The following JAK1 variants were observed in gnomAD, a reference collection of about 807,000 sequenced individuals.
The protein encoded by JAK1 is tyrosine-protein kinase JAK1.
In JAK1, 16 loss-of-function variants were observed where a neutral mutation model predicts 136.6. The ratio of observed to expected loss-of-function variants is 0.12; its 90% CI spans 0.08 to 0.18. JAK1 has a LOEUF of 0.18. JAK1 is among the 10% of genes least tolerant of loss of function. JAK1 has a pLI of 1.00. For synonymous variants in JAK1, 492 were observed against 519.5 expected, an observed-to-expected ratio of 0.95 and a Z score of 0.72; for missense variants, 859 against 1,450.1, an observed-to-expected ratio of 0.59 and a Z score of 6.62.
chr1:64,857,452 G>A (rs565589211), intron 10 of JAK1, among the ~76,000 whole-genome samples: 13 of 152,326 alleles, frequency 8.5e-5, no homozygotes, highest in African/African-American at 3.1e-4. Context: ...CCTACAGGGG[G>A]AGGATGCAGG....
intron 2 of JAK1, among the ~76,000 whole-genome samples, chr1:64,981,382 T>C (rs1355755365): frequency 1.3e-5 from 2 of 152,190 alleles, no homozygotes; most frequent in African/African-American, 4.8e-5. Flanking sequence ...GTTTTGCAGT[T>C]CCAGTACGGC....
intron 1 of JAK1, among the ~76,000 whole-genome samples, chr1:64,942,994 GT>G (rs1404225374): frequency 6.6e-6 from 1 of 152,104 alleles, no homozygotes; most frequent in Admixed American, 6.6e-5. Flanking sequence ...TTTAATCCAT[GT>G]CAAGATAAAT....
chr1:64,903,983 T>C (rs1484162587), intron 1 of JAK1, among the ~76,000 whole-genome samples: 1 of 152,198 alleles, frequency 6.6e-6, no homozygotes, highest in Non-Finnish European at 1.5e-5. Context: ...AAGATCATTC[T>C]CTCTGCAGCC....
At chr1:64,857,078 T>C (rs151133561) in intron 10 of JAK1, among the ~76,000 whole-genome samples, 1 of 152,382 alleles carries the variant, frequency 6.6e-6, no homozygotes, top group African/African-American at 2.4e-5. Flanking sequence ...GTGAATATCT[T>C]AGCCCTCAGA....
rs374278596 is a variant in JAK1, at chr1:64,986,460, A to G, written c.-78+58020T>C. Reference sequence around the variant, plus strand: ...GAAAGATCTAGGAGTGTGATTCCAGAGACACCTTTTTCAACCAATGAAACC... The same window carrying G: ...GAAAGATCTAGGAGTGTGATTCCAGGGACACCTTTTTCAACCAATGAAACC... On this transcript the variant is annotated intron_variant, in intron 2 of 25. Transcript: ENST00000671954. Among the ~76,000 whole-genome samples, 47 of 152,170 alleles carry G rather than the reference A, an allele frequency of 3.1e-4. 1 individual carries two copies. Among genetic ancestry groups the G allele is most frequent in the African/African-American group, 1.1e-3 (44 of 41,524 alleles).
At chr1:64,882,351 T>C (rs310205) in intron 3 of JAK1, among the ~76,000 whole-genome samples, 3,079 of 152,264 alleles carry the variant, frequency 0.02, 108 homozygotes, top group African/African-American at 0.071. Flanking sequence ...ATAAGTAAAG[T>C]AGGGATCAGG....
chr1:64,958,239 C>CA (rs1646225755), intron 1 of JAK1, among the ~76,000 whole-genome samples: 1 of 152,176 alleles, frequency 6.6e-6, no homozygotes, highest in African/African-American at 2.4e-5. Context: ...AGTGGGCTTA[C>CA]AATTTATGTT....
intron 2 of JAK1, chr1:64,993,585 G>A (rs1646677276): frequency 6.6e-6 from 1 of 151,984 alleles, no homozygotes; most frequent in African/African-American, 2.4e-5. Flanking sequence ...TGTAATCCTT[G>A]ATGAAAATAC....
chr1:65,033,196 A>G (rs1426524640), intron 2 of JAK1, among the ~76,000 whole-genome samples: 1 of 152,138 alleles, frequency 6.6e-6, no homozygotes, highest in Non-Finnish European at 1.5e-5. Context: ...GATTTTAGAG[A>G]CAGACTCTTG....
chr1:65,047,874 AG>A (rs1647202243), intron 1 of JAK1, among the ~76,000 whole-genome samples: 1 of 152,198 alleles, frequency 6.6e-6, no homozygotes, highest in East Asian at 1.9e-4. Flanking sequence ...AGGGACAGGG[AG>A]GGGGATGTGG....
chr1:64,992,891 T>C (rs1050154860), intron 2 of JAK1: 6 of 136,334 alleles, frequency 4.4e-5, no homozygotes, highest in Non-Finnish European at 7.7e-5. Context: ...TCCGAGATTC[T>C]GTCTCAAAAA....
rs1321974652 is a variant in JAK1, at chr1:64,835,523, C to G, written c.3259-17G>C. On this transcript the variant is annotated splice_polypyrimidine_tract_variant and intron_variant, in intron 23 of 24. Transcript: ENST00000342505. The stretch of plus-strand genomic sequence containing the variant: ...CAGGAACAACTATATAAAATAAAAT[C>G]AAACAAAACGTTTAACTTTGCAAGT... The G allele has an allele frequency of 3.5e-6, 5 of 1,430,040 alleles. No homozygotes were observed. The African/African-American group carries it at 5.8e-5, about 16-fold the overall frequency. 88.6% of individuals were successfully genotyped at this position (1,430,040 alleles called of 1,614,324 possible).
intron 1 of JAK1, among the ~76,000 whole-genome samples, chr1:64,891,952 G>A (rs538315171): frequency 3.0e-4 from 46 of 152,312 alleles, no homozygotes; most frequent in East Asian, 5.8e-4. Flanking sequence ...TCAATGGTTC[G>A]GTGCTTCGCA....
intron 11 of JAK1, among the ~76,000 whole-genome samples, chr1:64,854,285 T>C (rs926235677): frequency 6.6e-6 from 1 of 152,178 alleles, no homozygotes; most frequent in African/African-American, 2.4e-5. Flanking sequence ...AAGAACAAGA[T>C]GTGTCCCAGA....
chr1:64,934,228 T>G (rs1307566677), intron 1 of JAK1, among the ~76,000 whole-genome samples: 2 of 152,228 alleles, frequency 1.3e-5, no homozygotes, highest in African/African-American at 2.4e-5. Flanking sequence ...ATCTCTCAAA[T>G]GACCTCCGGC....
chr1:64,849,168 AG>A (rs1655429507), intron 12 of JAK1, among the ~76,000 whole-genome samples: 1 of 151,918 alleles, frequency 6.6e-6, no homozygotes, highest in Admixed American at 6.6e-5. Flanking sequence ...TAGCTACTTG[AG>A]TTCATCCTCC....
chr1:65,056,149 T>C (rs1647525265), intron 1 of JAK1, among the ~76,000 whole-genome samples: 1 of 152,224 alleles, frequency 6.6e-6, no homozygotes, highest in African/African-American at 2.4e-5. Flanking sequence ...CTGTCAGAAA[T>C]TCCTTTTAAG....
intron 1 of JAK1, among the ~76,000 whole-genome samples, chr1:64,895,655 G>C (rs565740129): frequency 6.6e-6 from 1 of 152,160 alleles, no homozygotes; most frequent in Non-Finnish European, 1.5e-5. Flanking sequence ...CATATGCACA[G>C]TCTTCATTTC....
At chr1:65,057,284 C>T (rs965212669) in intron 1 of JAK1, among the ~76,000 whole-genome samples, 1 of 152,172 alleles carries the variant, frequency 6.6e-6, no homozygotes, top group African/African-American at 2.4e-5. Context: ...TAGGAGTCTA[C>T]AGGGAAGAGG....
Sources: gnomAD v4.1 joint callset for allele counts (sites outside exome capture counted in the v4.1 genomes callset) on GRCh38, gnomAD v4.1.1 for gene constraint, MANE v1.5 for transcripts, NCBI Gene and HGNC (gene_info 2026-07-23, HGNC 2026-07-21) for gene names.